Variants in PRP4K observed in about 807,000 individuals in gnomAD.
PRP4K encodes the protein serine/threonine-protein kinase PRP4 homolog.
At chr6:4,044,863 A>ATTTTTTT in the PRP4K span, among the ~76,000 whole-genome samples, 2 of 132,296 alleles carry the variant, frequency 1.5e-5, no homozygotes, top group African/African-American at 3.0e-5. Flanking sequence ...TATTATTATT[A>ATTTTTTT]TTTTTTTTTT....
chr6:4,029,417 C>G, the PRP4K span, among the ~76,000 whole-genome samples: 1 of 148,134 alleles, frequency 6.8e-6, no homozygotes, highest in African/African-American at 2.5e-5. Context: ...CATCATGGCT[C>G]ATTGCAGCCT....
chr6:4,061,396 T>C, the PRP4K span: 22 of 152,766 alleles, frequency 1.4e-4, no homozygotes, highest in African/African-American at 4.6e-4. Flanking sequence ...TTTACTTTTT[T>C]TAAATCAACT....
the PRP4K span, chr6:4,052,974 A>G: frequency 1.8e-6 from 2 of 1,093,092 alleles, no homozygotes; most frequent in Non-Finnish European, 2.5e-6. Flanking sequence ...TTAGAAGCAT[A>G]GTTCAGTATA....
the PRP4K span, chr6:4,047,117 A>G: frequency 6.9e-7 from 1 of 1,442,988 alleles, no homozygotes; most frequent in Non-Finnish European, 9.7e-7. Context: ...CCATTCACTT[A>G]TTTTGTGTTT....
chr6:4,058,620 C>G, the PRP4K span: 2 of 853,930 alleles, frequency 2.3e-6, no homozygotes, highest in South Asian at 1.6e-5. Flanking sequence ...TCAAACAAAC[C>G]TACAGAGACT....
At chr6:4,026,419 C>T in the PRP4K span, among the ~76,000 whole-genome samples, 1 of 151,590 alleles carries the variant, frequency 6.6e-6, no homozygotes, top group African/African-American at 2.4e-5. Context: ...TCTCCTGCCT[C>T]AGCCTCCGGA....
chr6:4,036,085 T>A, the PRP4K span, among the ~76,000 whole-genome samples: 1 of 152,192 alleles, frequency 6.6e-6, no homozygotes, highest in African/African-American at 2.4e-5. Flanking sequence ...GGAATAACAT[T>A]AAGAAATGTT....
At chr6:4,041,737 A>AC in the PRP4K span, among the ~76,000 whole-genome samples, 12 of 151,890 alleles carry the variant, frequency 7.9e-5, no homozygotes, top group Non-Finnish European at 1.3e-4. Flanking sequence ...GCACAGGATA[A>AC]CCCCCCACAC....
chr6:4,040,420 G>T, the PRP4K span, among the ~76,000 whole-genome samples: 1 of 152,078 alleles, frequency 6.6e-6, no homozygotes, highest in South Asian at 2.1e-4. Context: ...TACAACCGTG[G>T]TGCTGTACGA....
At chr6:4,054,036 A>G in the PRP4K span, among the ~76,000 whole-genome samples, 1 of 152,036 alleles carries the variant, frequency 6.6e-6, no homozygotes, top group Non-Finnish European at 1.5e-5. Flanking sequence ...CCGCCTCCCC[A>G]GTAGCTGGGA....
the PRP4K span, among the ~76,000 whole-genome samples, chr6:4,042,247 T>C: frequency 6.6e-6 from 1 of 152,212 alleles, no homozygotes; most frequent in Non-Finnish European, 1.5e-5. Flanking sequence ...CCTGGAGTTA[T>C]TTCTTTTATT....
At chr6:4,051,579 A>G in the PRP4K span, among the ~76,000 whole-genome samples, 1 of 152,190 alleles carries the variant, frequency 6.6e-6, no homozygotes, top group Admixed American at 6.5e-5. Flanking sequence ...TGCCTCCCAA[A>G]ATTCTGGGAT....
the PRP4K span, among the ~76,000 whole-genome samples, chr6:4,057,572 GTTAA>G: frequency 6.6e-6 from 1 of 152,150 alleles, no homozygotes. Flanking sequence ...GGAACTTGAT[GTTAA>G]TTAATTTATT....
the PRP4K span, among the ~76,000 whole-genome samples, chr6:4,053,903 T>TTTTTTGTTTTGTTTTG: frequency 6.7e-6 from 1 of 149,392 alleles, no homozygotes; most frequent in African/African-American, 2.5e-5. Flanking sequence ...TCTTTTGTTT[T>TTTTTTGTTTTGTTTTG]TTTTGTTTTG....
chr6:4,032,440 G>T, the PRP4K span: 3 of 1,613,940 alleles, frequency 1.9e-6, no homozygotes, highest in African/African-American at 2.7e-5. Flanking sequence ...AGAAGGTCAC[G>T]GTCCAAAGAG....
chr6:4,038,999 A>G, the PRP4K span, among the ~76,000 whole-genome samples: 18 of 142,808 alleles, frequency 1.3e-4, no homozygotes, highest in African/African-American at 4.5e-4. Flanking sequence ...CATTTTATTC[A>G]TGTTTTCTGG....
the PRP4K span, among the ~76,000 whole-genome samples, chr6:4,056,163 G>A: frequency 5.3e-5 from 8 of 151,966 alleles, no homozygotes; most frequent in African/African-American, 1.9e-4. Context: ...TTCATAGTTA[G>A]GAAATTGAAT....
the PRP4K span, chr6:4,047,130 AATC>A: frequency 6.6e-7 from 1 of 1,523,036 alleles, no homozygotes; most frequent in Non-Finnish European, 9.1e-7. Flanking sequence ...TTGTGTTTTA[AATC>A]ATCTCTTCAC....
the PRP4K span, among the ~76,000 whole-genome samples, chr6:4,055,757 T>G: frequency 6.6e-6 from 1 of 152,378 alleles, no homozygotes; most frequent in South Asian, 2.1e-4. Context: ...CCAGATATAT[T>G]TAACATTTTC....
Sources: allele counts gnomAD v4.1 joint callset (sites outside exome capture counted in the v4.1 genomes callset), GRCh38; gene constraint gnomAD v4.1.1; transcripts MANE v1.5; gene names NCBI Gene and HGNC (gene_info 2026-07-23, HGNC 2026-07-21).